The following CREB5 variants were observed in gnomAD, a reference collection of about 807,000 sequenced individuals.
CREB5 encodes cAMP responsive element binding protein 5, also known as cyclic AMP-responsive element-binding protein 5.
In CREB5, 19 loss-of-function variants were observed where a neutral mutation model predicts 57.1. That is an observed-to-expected ratio of 0.33 (90% CI 0.23 to 0.49). The LOEUF is 0.49. Ranked by LOEUF, CREB5 falls within the 20% of genes least tolerant of loss-of-function variation. The pLI is 0.99. For synonymous variants in CREB5, 238 were observed against 238.3 expected (o/e 1.00, Z 0.01); for missense variants, 579 against 671.6 (o/e 0.86, Z 1.52).
intron 1 of CREB5, among the ~76,000 whole-genome samples, chr7:28,389,264 G>A (rs1787166160): frequency 6.6e-6 from 1 of 152,118 alleles, no homozygotes; most frequent in Non-Finnish European, 1.5e-5. Flanking sequence ...ATTGCAACTA[G>A]CAAATCTGAG....
At chr7:28,791,625 A>G (rs1213313096) in intron 7 of CREB5, among the ~76,000 whole-genome samples, 1 of 152,240 alleles carries the variant, frequency 6.6e-6, no homozygotes, top group Non-Finnish European at 1.5e-5. Context: ...AGGGCAAGCT[A>G]CTATATATTA....
chr7:28,314,248 G>A (rs1785335342), intron 1 of CREB5, among the ~76,000 whole-genome samples: 1 of 152,206 alleles, frequency 6.6e-6, no homozygotes, highest in South Asian at 2.1e-4. Flanking sequence ...AAGCACAACA[G>A]TCCTGTTAAA....
intron 1 of CREB5, among the ~76,000 whole-genome samples, chr7:28,304,113 G>A (rs1785146186): frequency 1.3e-5 from 2 of 152,204 alleles, no homozygotes; most frequent in South Asian, 2.1e-4. Context: ...GCTTCATCCT[G>A]TTTTCTTTAT....
chr7:28,353,998 G>A (rs1367407802), intron 1 of CREB5, among the ~76,000 whole-genome samples: 2 of 152,148 alleles, frequency 1.3e-5, no homozygotes, highest in African/African-American at 4.8e-5. Flanking sequence ...TAAGGAGCTT[G>A]GACTATATCT....
At chr7:28,518,793 C>A (rs1019944842) in intron 4 of CREB5, among the ~76,000 whole-genome samples, 2 of 152,326 alleles carry the variant, frequency 1.3e-5, no homozygotes, top group African/African-American at 4.8e-5. Context: ...CCACACTCCC[C>A]CCATGTGGAT....
intron 5 of CREB5, among the ~76,000 whole-genome samples, chr7:28,702,070 T>C (rs906183357): frequency 6.6e-6 from 1 of 152,186 alleles, no homozygotes; most frequent in Non-Finnish European, 1.5e-5. Context: ...ATCATTGATT[T>C]TGTTTGCTTT....
intron 5 of CREB5, among the ~76,000 whole-genome samples, chr7:28,621,494 T>G (rs957772795): frequency 2.0e-5 from 3 of 152,230 alleles, no homozygotes; most frequent in Non-Finnish European, 2.9e-5. Flanking sequence ...CTTCACAGAC[T>G]AAATTCAGTG....
Position 28,809,186 on chromosome 7 carries a change from G to T in CREB5, c.1027-1G>T. The T allele has an allele frequency of 6.2e-7, 1 of 1,609,220 alleles. No individual in the cohort carries two copies. ...CACCTCCTCCCTCTCTGGCCCAGCAGGTTTCACCAGCAACACAACAGATGC... is the reference window on the plus strand; with the variant it reads ...CACCTCCTCCCTCTCTGGCCCAGCATGTTTCACCAGCAACACAACAGATGC... On this transcript the variant is annotated splice_acceptor_variant, in intron 8 of 10. Transcript: ENST00000357727. LOFTEE classifies it high-confidence loss of function.
intron 4 of CREB5, among the ~76,000 whole-genome samples, chr7:28,556,090 A>G (rs1244728656): frequency 1.3e-5 from 2 of 152,216 alleles, no homozygotes; most frequent in African/African-American, 4.8e-5. Context: ...GAGTCAACCC[A>G]TATATCCTGG....
chr7:28,490,781 C>T (rs1418175776), intron 2 of CREB5, among the ~76,000 whole-genome samples: 4 of 152,222 alleles, frequency 2.6e-5, no homozygotes, highest in Admixed American at 2.6e-4. Flanking sequence ...GAATGACTAC[C>T]CTCTGATTTG....
chr7:28,648,737 G>A (rs1321076293), intron 5 of CREB5, among the ~76,000 whole-genome samples: 3 of 151,674 alleles, frequency 2.0e-5, no homozygotes, highest in Non-Finnish European at 4.4e-5. Flanking sequence ...GTGAGACCCT[G>A]TCTAAAGAAA....
intron 1 of CREB5, among the ~76,000 whole-genome samples, chr7:28,433,251 C>T (rs1457978155): frequency 2.0e-5 from 3 of 152,110 alleles, no homozygotes; most frequent in African/African-American, 7.2e-5. Flanking sequence ...GATTGCCCCA[C>T]GAATATCCAG....
intron 1 of CREB5, among the ~76,000 whole-genome samples, chr7:28,423,056 A>C (rs1226441821): frequency 6.6e-6 from 1 of 152,132 alleles, no homozygotes; most frequent in Non-Finnish European, 1.5e-5. Context: ...CCAGACATAT[A>C]ACTGGAATTC....
intron 4 of CREB5, among the ~76,000 whole-genome samples, chr7:28,516,703 G>T (rs1002248231): frequency 6.6e-6 from 1 of 152,226 alleles, no homozygotes; most frequent in Non-Finnish European, 1.5e-5. Flanking sequence ...GCTTTTCCCA[G>T]CAGGGAACTT....
intron 1 of CREB5, among the ~76,000 whole-genome samples, chr7:28,483,608 T>C (rs1437746102): frequency 2.0e-5 from 3 of 152,174 alleles, no homozygotes; most frequent in Non-Finnish European, 4.4e-5. Flanking sequence ...CTGCCACAAT[T>C]ATGACAGTGT....
chr7:28,455,560 C>T (rs1336086713), intron 1 of CREB5, among the ~76,000 whole-genome samples: 4 of 152,182 alleles, frequency 2.6e-5, no homozygotes, highest in Non-Finnish European at 5.9e-5. Flanking sequence ...GCAAGAGATT[C>T]AGAATCACAG....
Position 28,314,264 on chromosome 7 carries a change from C to T in CREB5, c.-25+14823C>T, listed in dbSNP as rs115096129. On this transcript the variant is annotated intron_variant, in intron 1 of 9. Coordinates refer to the CREB5 transcript ENST00000396299. ...AGCACAACAGTCCTGTTAAACCAGACATGTTTTAGGAAAACACTTCAAGAT... is the reference window on the plus strand; with the variant it reads ...AGCACAACAGTCCTGTTAAACCAGATATGTTTTAGGAAAACACTTCAAGAT... Among the ~76,000 whole-genome samples, 484 of 152,306 alleles carry T rather than the reference C, an allele frequency of 3.2e-3. 2 individuals are homozygous for T. The highest frequency in any genetic ancestry group is 0.011 in the African/African-American group (462 of 41,570).
intron 1 of CREB5, among the ~76,000 whole-genome samples, chr7:28,377,649 T>C (rs1223976591): frequency 1.3e-5 from 2 of 151,906 alleles, no homozygotes; most frequent in African/African-American, 4.8e-5. Context: ...TCATTAAATG[T>C]GTTCTAGCTT....
intron 5 of CREB5, among the ~76,000 whole-genome samples, chr7:28,584,375 A>G (rs1350478477): frequency 5.3e-5 from 8 of 152,184 alleles, no homozygotes; most frequent in Admixed American, 5.2e-4. Flanking sequence ...GGTTAAGATG[A>G]CATTGTGGAG....
Sources: gnomAD v4.1 joint callset for allele counts (sites outside exome capture counted in the v4.1 genomes callset) on GRCh38, gnomAD v4.1.1 for gene constraint, MANE v1.5 for transcripts, NCBI Gene and HGNC (gene_info 2026-07-23, HGNC 2026-07-21) for gene names.